The following CLPB variants were observed in gnomAD, a reference collection of about 807,000 sequenced individuals.
CLPB encodes the protein mitochondrial disaggregase.
In CLPB, 40 loss-of-function variants were observed where a neutral mutation model predicts 78.4. The ratio of observed to expected loss-of-function variants is 0.51; its 90% CI spans 0.40 to 0.66. CLPB has a LOEUF of 0.66. Ranked by LOEUF, CLPB falls within the 30% of genes least tolerant of loss-of-function variation. The pLI is 0.00. For missense variants in CLPB, 780 were observed against 886.9 expected (o/e 0.88, Z 1.53); for synonymous variants, 333 against 348.0 (o/e 0.96, Z 0.48).
intron 5 of CLPB, among the ~76,000 whole-genome samples, chr11:72,346,092 A>G (rs1164118215): frequency 6.6e-6 from 1 of 152,212 alleles, no homozygotes; most frequent in Admixed American, 6.5e-5. Flanking sequence ...TGTGGGGCAG[A>G]TGAGGGGGCA....
intron 2 of CLPB, among the ~76,000 whole-genome samples, chr11:72,405,869 A>C (rs1371991620): frequency 6.6e-6 from 1 of 151,996 alleles, no homozygotes. Flanking sequence ...CGGAGCTTGC[A>C]GTGAGCTGAG....
At chr11:72,294,739 C>G in intron 12 of CLPB, 46 bp from the exon 13 acceptor site, 1 of 1,522,898 alleles carries the variant, frequency 6.6e-7, no homozygotes, top group Non-Finnish European at 9.1e-7. Flanking sequence ...ATTCAGGGAA[C>G]TTTGGGGGCT....
In CLPB at chr11:72,292,119, G is replaced by A. The variant is rs1455831230; in HGVS notation, c.*1248C>T. 1 of 150,660 alleles carries A rather than the reference G, an allele frequency of 6.6e-6. No homozygotes were observed. The highest frequency in any genetic ancestry group is 1.5e-5 in the Non-Finnish European group (1 of 67,928). 9.3% of individuals were successfully genotyped at this position (150,660 alleles called of 1,614,324 possible). A position where few individuals can be genotyped will look rare whatever the true frequency, so the allele number is the denominator to read the frequency against. On this transcript the variant is annotated 3_prime_UTR_variant, in exon 16 of 16. Transcript: ENST00000538039. ...CCCTGAGGGGTAGACAGTGATCCAA[G>A]CATCTGCTGGAGCTCACACCCTGGA...
rs1949433907 is a variant in CLPB at position 72,290,077 on chromosome 11, G to A, written c.*3290C>T. 1 of 152,104 alleles carries A rather than the reference G, an allele frequency of 6.6e-6. No individual in the cohort carries two copies. The allele number at this position is 152,104 out of a possible 1,614,324, so 9.4% of individuals were successfully genotyped here. On this transcript the variant is annotated 3_prime_UTR_variant, in exon 16 of 16. Transcript: ENST00000538039. Reference sequence around the variant, plus strand: ...TTCCAGTGGCATCAAGAAACAACTTGGTTTCTAAGTTCCTTTTTTCTGGAA... The same window carrying A: ...TTCCAGTGGCATCAAGAAACAACTTAGTTTCTAAGTTCCTTTTTTCTGGAA...
intron 6 of CLPB, 45 bp from the exon 7 acceptor site, chr11:72,317,265 G>A: frequency 7.1e-7 from 1 of 1,415,684 alleles, no homozygotes; most frequent in Non-Finnish European, 9.8e-7. Flanking sequence ...CGGGCCCATA[G>A]CACCATAGCT....
chr11:72,305,144 C>T (rs1018902033), intron 9 of CLPB, among the ~76,000 whole-genome samples: 2 of 152,180 alleles, frequency 1.3e-5, no homozygotes, highest in African/African-American at 2.4e-5. Context: ...GACACACTGG[C>T]AAGTTTCCAA....
intron 5 of CLPB, among the ~76,000 whole-genome samples, chr11:72,340,175 G>A (rs763772826): frequency 7.9e-5 from 12 of 152,114 alleles, no homozygotes; most frequent in East Asian, 1.9e-4. Flanking sequence ...CTCGTCACAC[G>A]GGGAGGCTAG....
At chr11:72,302,023 G>A in intron 10 of CLPB, 59 bp from the exon 11 acceptor site, 3 of 1,577,068 alleles carry the variant, frequency 1.9e-6, no homozygotes, top group Non-Finnish European at 2.6e-6. Context: ...TTTCCAACAT[G>A]GGGCATGCAT....
chr11:72,297,033 T>C (rs1159161010), intron 11 of CLPB, among the ~76,000 whole-genome samples: 1 of 152,212 alleles, frequency 6.6e-6, no homozygotes, highest in East Asian at 1.9e-4. Flanking sequence ...CTATTTTCTT[T>C]CCTTCGACAG....
intron 2 of CLPB, among the ~76,000 whole-genome samples, chr11:72,418,391 T>C (rs1179151902): frequency 2.0e-5 from 3 of 152,094 alleles, no homozygotes; most frequent in African/African-American, 7.2e-5. Flanking sequence ...GACACAGCAA[T>C]GGTGTGAGGC....
intron 3 of CLPB, among the ~76,000 whole-genome samples, chr11:72,389,616 C>A (rs1209540820): frequency 6.6e-6 from 1 of 152,148 alleles, no homozygotes; most frequent in Non-Finnish European, 1.5e-5. Flanking sequence ...ACTCACTGGG[C>A]AAAGGCTTAA....
intron 4 of CLPB, among the ~76,000 whole-genome samples, chr11:72,376,763 C>A (rs1159135795): frequency 1.3e-5 from 2 of 152,102 alleles, no homozygotes; most frequent in Non-Finnish European, 1.5e-5. Context: ...CCTCTGCCTT[C>A]TGGGTTCAAG....
In CLPB at chr11:72,406,456, T is replaced by G. The variant is rs144951720; in HGVS notation, c.456-3404A>C. 3.3e-3 allele frequency among the ~76,000 whole-genome samples: 497 copies of G among 152,342 alleles called. 6 individuals are homozygous for G. Among genetic ancestry groups the G allele is most frequent in the African/African-American group, 0.011 (461 of 41,570 alleles). On this transcript the variant is annotated intron_variant, in intron 2 of 15. Coordinates refer to ENST00000538039, the MANE Select transcript of CLPB (RefSeq NM_001258392.3). ...TCAGACCCCGATTTGAATTCTGATC[T>G]AGCTAGATAACTCTAAGCAAATCAA... is the stretch of plus-strand genomic sequence containing the variant.
intron 2 of CLPB, among the ~76,000 whole-genome samples, chr11:72,414,053 G>A (rs916357773): frequency 6.6e-6 from 1 of 152,190 alleles, no homozygotes; most frequent in African/African-American, 2.4e-5. Flanking sequence ...CCTAGAGGCA[G>A]AGTGTGCCAG....
Position 72,294,594 on chromosome 11 carries a change from AG to A in CLPB, c.1560+25del, listed in dbSNP as rs776831714. 7 of 1,611,942 alleles carry A rather than the reference AG, an allele frequency of 4.3e-6. No homozygotes were observed. The African/African-American group carries it at 6.7e-5, about 15-fold the overall frequency. On this transcript the variant is annotated intron_variant, in intron 13 of 15. Transcript: ENST00000538039. ...CCCTCCCCCAACCTTAGGCTCCAGC[AG>A]GAAGTGCCAAGAAAGACCTCTTACT... is the stretch of plus-strand genomic sequence containing the variant.
chr11:72,397,505 T>C (rs1446766916), intron 3 of CLPB, among the ~76,000 whole-genome samples: 2 of 152,210 alleles, frequency 1.3e-5, no homozygotes, highest in Non-Finnish European at 2.9e-5. Flanking sequence ...GATGTATCAA[T>C]ATTGTTCTGT....
intron 2 of CLPB, among the ~76,000 whole-genome samples, chr11:72,421,469 AG>A (rs1458310851): frequency 1.3e-5 from 2 of 152,242 alleles, no homozygotes; most frequent in Non-Finnish European, 2.9e-5. Flanking sequence ...TGATGACCGA[AG>A]GATGAGGAAT....
At chr11:72,326,398 A>G (rs1950134738) in intron 6 of CLPB, among the ~76,000 whole-genome samples, 1 of 152,138 alleles carries the variant, frequency 6.6e-6, no homozygotes, top group African/African-American at 2.4e-5. Flanking sequence ...TCTTCTTCCC[A>G]TCTAGCCCAG....
chr11:72,371,461 G>A (rs1297535123), intron 4 of CLPB, among the ~76,000 whole-genome samples: 4 of 151,706 alleles, frequency 2.6e-5, no homozygotes, highest in Admixed American at 6.6e-5. Flanking sequence ...CCCAGGAGGC[G>A]GAGGTTGCAG....
Sources: allele counts gnomAD v4.1 joint callset (sites outside exome capture counted in the v4.1 genomes callset), GRCh38; gene constraint gnomAD v4.1.1; transcripts MANE v1.5; gene names NCBI Gene and HGNC (gene_info 2026-07-23, HGNC 2026-07-21).